Variants in TEX36 observed in about 807,000 individuals in gnomAD.
TEX36 encodes testis-expressed protein 36.
A neutral mutation model predicts 13.6 loss-of-function variants in TEX36; 12 were observed. The ratio of observed to expected loss-of-function variants is 0.88; its 90% CI spans 0.56 to 1.43. TEX36 has a LOEUF of 1.43. TEX36 is among the 40% of genes most tolerant of loss of function. TEX36 has a pLI of 0.00. For synonymous variants in TEX36, 93 were observed against 83.0 expected (o/e 1.12, Z -0.65); for missense variants, 224 against 228.3 (o/e 0.98, Z 0.12).
At chr10:125,602,993 C>T (rs1846167920) in intron 3 of TEX36, among the ~76,000 whole-genome samples, 1 of 152,170 alleles carries the variant, frequency 6.6e-6, no homozygotes, top group South Asian at 2.1e-4. Context: ...TGGGAAGGTT[C>T]CACCCAGCTG....
intron 3 of TEX36, among the ~76,000 whole-genome samples, chr10:125,650,191 T>C (rs1846831662): frequency 6.6e-6 from 1 of 152,192 alleles, no homozygotes; most frequent in Non-Finnish European, 1.5e-5. Context: ...CAACAGAATA[T>C]ACATTCTTCT....
At chr10:125,610,717 C>T (rs553486197) in intron 3 of TEX36, among the ~76,000 whole-genome samples, 2 of 152,046 alleles carry the variant, frequency 1.3e-5, no homozygotes, top group Non-Finnish European at 2.9e-5. Context: ...GGTTTGTTTG[C>T]CCTCTTTGTC....
downstream of TEX36, among the ~76,000 whole-genome samples, chr10:125,617,114 C>CT (rs1376189952): frequency 2.6e-5 from 4 of 151,398 alleles, no homozygotes; most frequent in Admixed American, 6.6e-5. Context: ...CAACCCCTGC[C>CT]TTTTTTTTGT....
chr10:125,576,792 G>A (rs1845829285), exon 4 of TEX36: 1 of 1,535,844 alleles, frequency 6.5e-7, no homozygotes, highest in South Asian at 1.2e-5. Context: ...GCCTGGATGA[G>A]GAATGGACTG....
At chr10:125,682,876 C>A (rs1026379701) in intron 1 of TEX36, 63 bp downstream of exon 1, 2 of 1,530,770 alleles carry the variant, frequency 1.3e-6, no homozygotes, top group Non-Finnish European at 1.8e-6. Context: ...ATTGGAACTC[C>A]TCAGACTGTT....
chr10:125,674,787 G>A lies in TEX36; in HGVS notation c.51+8152C>T, dbSNP rs140502465. ...GTGGAGGCTGCAGAACAGCAAAGGTGGCAGCCTGCTCCTTCATTTGGGATC... is the reference window on the plus strand; with the variant it reads ...GTGGAGGCTGCAGAACAGCAAAGGTAGCAGCCTGCTCCTTCATTTGGGATC... On this transcript the variant is annotated intron_variant, in intron 1 of 3. Transcript: ENST00000368821. 1.6e-3 allele frequency among the ~76,000 whole-genome samples: 247 copies of A among 152,338 alleles called. 1 individual carries two copies. The highest frequency in any genetic ancestry group is 5.8e-3 in the African/African-American group (243 of 41,566).
At chr10:125,617,846 T>A (rs1846378684), downstream of TEX36, among the ~76,000 whole-genome samples, 1 of 152,216 alleles carries the variant, frequency 6.6e-6, no homozygotes, top group South Asian at 2.1e-4. Context: ...CTTGCTAGAT[T>A]GGGGAAGTTC....
At chr10:125,605,251 A>G (rs898836850) in intron 3 of TEX36, among the ~76,000 whole-genome samples, 24 of 152,354 alleles carry the variant, frequency 1.6e-4, no homozygotes, top group African/African-American at 5.1e-4. Context: ...CATAAAGTCT[A>G]TGAGGTCAGG....
chr10:125,677,092 T>A (rs1847324727), intron 1 of TEX36, among the ~76,000 whole-genome samples: 1 of 152,230 alleles, frequency 6.6e-6, no homozygotes, highest in Admixed American at 6.5e-5. Flanking sequence ...GTTTCCTTTA[T>A]TGATGACTAA....
At chr10:125,668,099 A>G (rs1847156188) in intron 1 of TEX36, 1 of 571,476 alleles carries the variant, frequency 1.7e-6, no homozygotes. Context: ...TGGTTGGGGC[A>G]CCTCTGCATA....
intron 3 of TEX36, 53 bp from the exon 4 acceptor site, chr10:125,656,249 C>CGTTTTT (rs1846940584): frequency 4.2e-6 from 1 of 239,410 alleles, no homozygotes; most frequent in South Asian, 4.7e-5. Flanking sequence ...TCACATAGTT[C>CGTTTTT]TTTTTTTTTT....
chr10:125,634,715 G>C (rs1338788800), intron 3 of TEX36, among the ~76,000 whole-genome samples: 2 of 152,168 alleles, frequency 1.3e-5, no homozygotes, highest in Admixed American at 1.3e-4. Flanking sequence ...AAATCAGAAG[G>C]TTAAAAAATG....
At chr10:125,641,890 T>C (rs1846698074) in intron 3 of TEX36, among the ~76,000 whole-genome samples, 1 of 152,216 alleles carries the variant, frequency 6.6e-6, no homozygotes, top group South Asian at 2.1e-4. Context: ...TGTGAGGTGG[T>C]TGGACAGTGT....
chr10:125,597,349 A>AG (rs1350666570), intron 3 of TEX36, among the ~76,000 whole-genome samples: 1 of 152,204 alleles, frequency 6.6e-6, no homozygotes, highest in East Asian at 1.9e-4. Flanking sequence ...ACAGAAAAAA[A>AG]AACACTCACA....
Position 125,683,014 on chromosome 10 carries a change from T to C in TEX36, c.-25A>G, listed in dbSNP as rs1847421502. 20 of 1,551,570 alleles carry C rather than the reference T, an allele frequency of 1.3e-5. No individual in the cohort carries two copies. Among genetic ancestry groups the C allele is most frequent in the Non-Finnish European group, 1.7e-5 (20 of 1,146,976 alleles). ...TTCTCTCCAGGAAGCTGAATGTGGC[T>C]GAGATTGGCTCCCTCACCTCTCCAT... On this transcript the variant is annotated 5_prime_UTR_variant, in exon 1 of 4. Coordinates refer to ENST00000368821, the MANE Select transcript of TEX36 (RefSeq NM_001128202.3).
At chr10:125,620,160 T>C (rs1846412083), downstream of TEX36, among the ~76,000 whole-genome samples, 2 of 152,300 alleles carry the variant, frequency 1.3e-5, no homozygotes, top group South Asian at 4.1e-4. Context: ...GGTCAAAAGC[T>C]ATGAACATTT....
intron 3 of TEX36, among the ~76,000 whole-genome samples, chr10:125,660,529 ACAGTGCTGT>A (rs1451045396): frequency 5.9e-5 from 9 of 152,222 alleles, no homozygotes; most frequent in Non-Finnish European, 1.2e-4. Context: ...TTTCTATCAC[ACAGTGCTGT>A]GTGAACCACC....
At position 125,671,297 on chromosome 10, in the gene TEX36, C is replaced by T. The variant is rs117388930; in HGVS notation, c.52-9320G>A. ...TCATAAATGGCTCTTATAATTTTGACGTATGTTCCATCAGTACCTAGTTTA... is the reference window on the plus strand; with the variant it reads ...TCATAAATGGCTCTTATAATTTTGATGTATGTTCCATCAGTACCTAGTTTA... On this transcript the variant is annotated intron_variant, in intron 1 of 3. Transcript: ENST00000368821. Among the ~76,000 whole-genome samples, 887 of 152,130 alleles carry T rather than the reference C, an allele frequency of 5.8e-3. 3 individuals are homozygous for T. Among genetic ancestry groups the T allele is most frequent in the Non-Finnish European group, 0.01 (684 of 67,966 alleles).
chr10:125,619,908 T>C (rs1246925700), downstream of TEX36, among the ~76,000 whole-genome samples: 2 of 151,840 alleles, frequency 1.3e-5, no homozygotes, highest in African/African-American at 2.4e-5. Flanking sequence ...TATATATATA[T>C]ACATCTATAT....
Sources: gnomAD v4.1 joint callset for allele counts (sites outside exome capture counted in the v4.1 genomes callset) on GRCh38, gnomAD v4.1.1 for gene constraint, MANE v1.5 for transcripts, NCBI Gene and HGNC (gene_info 2026-07-23, HGNC 2026-07-21) for gene names.